The following CTNNA2 variants were observed in gnomAD, a reference collection of about 807,000 sequenced individuals.
CTNNA2 encodes the protein catenin alpha-2.
CTNNA2 carries 42 observed loss-of-function variants against 101.0 expected under a neutral mutation model. That is an observed-to-expected ratio of 0.42 (90% CI 0.32 to 0.54). The LOEUF (loss-of-function observed/expected upper bound fraction) is 0.54. Among genes scored for constraint, CTNNA2 ranks in the 20% least tolerant of loss-of-function variants. The pLI is 0.14. For missense variants in CTNNA2, 871 were observed against 1,223.1 expected, an observed-to-expected ratio of 0.71 and a Z score of 4.29; for synonymous variants, 450 against 456.4, an observed-to-expected ratio of 0.99 and a Z score of 0.18.
intron 2 of CTNNA2, among the ~76,000 whole-genome samples, chr2:79,692,769 A>G (rs534807418): frequency 2.0e-5 from 3 of 151,778 alleles, no homozygotes; most frequent in Admixed American, 2.0e-4. Flanking sequence ...AAACTATCAC[A>G]GGAACAGAAA....
At chr2:80,388,199 C>T (rs1677191398) in intron 7 of CTNNA2, among the ~76,000 whole-genome samples, 1 of 152,128 alleles carries the variant, frequency 6.6e-6, no homozygotes, top group South Asian at 2.1e-4. Flanking sequence ...GGCTGGGAGT[C>T]TGGAGGTGCT....
intron 18 of CTNNA2, among the ~76,000 whole-genome samples, chr2:80,641,301 C>G (rs1453653220): frequency 6.6e-6 from 1 of 152,146 alleles, no homozygotes; most frequent in East Asian, 1.9e-4. Context: ...AATCCAATGA[C>G]AGATTGCTTT....
chr2:79,665,838 T>C (rs1446934937), intron 2 of CTNNA2, among the ~76,000 whole-genome samples: 16 of 152,218 alleles, frequency 1.1e-4, no homozygotes, highest in Admixed American at 1.0e-3. Context: ...GTTAGTTAAA[T>C]TTAAAAATGT....
At chr2:80,045,818 A>T (rs1696480949) in intron 7 of CTNNA2, among the ~76,000 whole-genome samples, 1 of 152,188 alleles carries the variant, frequency 6.6e-6, no homozygotes, top group African/African-American at 2.4e-5. Flanking sequence ...TTGAAAAAAA[A>T]TGTGCATTGT....
At chr2:80,489,482 A>G (rs766895796) in intron 9 of CTNNA2, among the ~76,000 whole-genome samples, 4 of 152,184 alleles carry the variant, frequency 2.6e-5, no homozygotes, top group Non-Finnish European at 5.9e-5. Flanking sequence ...TTTTCAGTAG[A>G]TCATCCTGAA....
chr2:80,634,988 A>G (rs1672718748), intron 18 of CTNNA2, among the ~76,000 whole-genome samples: 1 of 152,166 alleles, frequency 6.6e-6, no homozygotes, highest in South Asian at 2.1e-4. Flanking sequence ...GGAACAGTCT[A>G]CAAGAAAAGG....
intron 7 of CTNNA2, among the ~76,000 whole-genome samples, chr2:79,911,602 GT>G (rs949277965): frequency 6.6e-6 from 1 of 152,084 alleles, no homozygotes; most frequent in Non-Finnish European, 1.5e-5. Context: ...GGCACTTTTT[GT>G]TTTCTGTTCG....
chr2:79,265,587 G>A (rs1253757710), intron 2 of CTNNA2, among the ~76,000 whole-genome samples: 1 of 152,156 alleles, frequency 6.6e-6, no homozygotes, highest in Non-Finnish European at 1.5e-5. Context: ...GGAGAAAAAT[G>A]ACATGAATAC....
intron 3 of CTNNA2, among the ~76,000 whole-genome samples, chr2:79,322,336 C>T (rs1425972202): frequency 6.6e-6 from 1 of 152,180 alleles, no homozygotes; most frequent in Admixed American, 6.5e-5. Flanking sequence ...GAGACACTGA[C>T]CTGGCTTTGC....
chr2:80,248,234 G>A (rs141124075), intron 7 of CTNNA2, among the ~76,000 whole-genome samples: 12 of 152,212 alleles, frequency 7.9e-5, no homozygotes, highest in Middle Eastern at 3.4e-3. Flanking sequence ...CAGTCGGTTA[G>A]CAAGCTTTTG....
rs181142694 is a variant in CTNNA2 at position 80,419,142 on chromosome 2, T to G, written c.1138-307T>G. Among the ~76,000 whole-genome samples the G allele has an allele frequency of 1.2e-3, 178 of 152,302 alleles. 1 individual carries two copies. The highest frequency in any genetic ancestry group is 1.8e-3 in the Non-Finnish European group (124 of 68,026). On this transcript the variant is annotated intron_variant, in intron 8 of 18. Coordinates refer to ENST00000402739, the MANE Select transcript of CTNNA2 (RefSeq NM_001282597.3). ...CTGAATTCTTCAACTGTGTCATGAT[T>G]CAAAACATCCAGAAGGTTCGGGTCA...
At chr2:80,356,772 G>C (rs569855103) in intron 7 of CTNNA2, among the ~76,000 whole-genome samples, 1 of 152,084 alleles carries the variant, frequency 6.6e-6, no homozygotes, top group Non-Finnish European at 1.5e-5. Context: ...ACACTTATCG[G>C]TCAGCTGTCT....
intron 7 of CTNNA2, among the ~76,000 whole-genome samples, chr2:80,207,294 G>A (rs1707593935): frequency 1.3e-5 from 2 of 152,198 alleles, no homozygotes; most frequent in South Asian, 2.1e-4. Context: ...TCCAGACAGA[G>A]AGAAATGGAG....
chr2:80,620,641 A>G (rs886932557), intron 18 of CTNNA2, among the ~76,000 whole-genome samples: 2 of 151,920 alleles, frequency 1.3e-5, no homozygotes, highest in African/African-American at 4.8e-5. Context: ...CCAGAGTCTT[A>G]TATGTTGGTT....
chr2:80,580,997 C>A (rs1695488062), intron 13 of CTNNA2, among the ~76,000 whole-genome samples: 2 of 144,252 alleles, frequency 1.4e-5, no homozygotes, highest in Non-Finnish European at 3.0e-5. Flanking sequence ...GCCTGGGCTA[C>A]ACAGTGAGAC....
At chr2:79,551,342 G>A (rs1035436309) in intron 1 of CTNNA2, among the ~76,000 whole-genome samples, 1 of 152,156 alleles carries the variant, frequency 6.6e-6, no homozygotes, top group African/African-American at 2.4e-5. Flanking sequence ...AAAGAGGCAA[G>A]AGGTTACATT....
chr2:80,346,630 A>T (rs186713530), intron 7 of CTNNA2, among the ~76,000 whole-genome samples: 1 of 152,254 alleles, frequency 6.6e-6, no homozygotes, highest in East Asian at 1.9e-4. Flanking sequence ...TTCTCTCAGC[A>T]TCGGAGTGCC....
chr2:79,601,477 T>A (rs1354105403), intron 1 of CTNNA2, among the ~76,000 whole-genome samples: 3 of 152,170 alleles, frequency 2.0e-5, no homozygotes, highest in Non-Finnish European at 2.9e-5. Flanking sequence ...AGTGAGGTCA[T>A]GTGTGGGCTT....
intron 4 of CTNNA2, among the ~76,000 whole-genome samples, chr2:79,398,670 A>G (rs369800209): frequency 6.6e-6 from 1 of 152,016 alleles, no homozygotes. Context: ...AAAGAAAAAG[A>G]TAAGAATCAG....
Sources: gnomAD v4.1 joint callset for allele counts (sites outside exome capture counted in the v4.1 genomes callset) on GRCh38, gnomAD v4.1.1 for gene constraint, MANE v1.5 for transcripts, NCBI Gene and HGNC (gene_info 2026-07-23, HGNC 2026-07-21) for gene names.